Variants in NAV2 observed in about 807,000 individuals in gnomAD.
NAV2 encodes the protein neuron navigator 2.
In NAV2, 54 loss-of-function variants were observed where a neutral mutation model predicts 223.2. The observed-to-expected ratio is 0.24, with a 90% CI of 0.19 to 0.30. The LOEUF is 0.30. NAV2 is among the 10% of genes least tolerant of loss of function. NAV2 has a pLI of 1.00. For synonymous variants in NAV2, 1,279 were observed against 1,239.3 expected (o/e 1.03, Z -0.67); for missense variants, 2,806 against 3,147.5 (o/e 0.89, Z 2.60).
intron 6 of NAV2, among the ~76,000 whole-genome samples, chr11:19,899,207 A>G (rs895640268): frequency 7.9e-5 from 12 of 152,308 alleles, no homozygotes; most frequent in African/African-American, 2.9e-4. Context: ...ACTCCTTGTC[A>G]TGAGCAGAAG....
chr11:19,561,912 G>A (rs1160397097), intron 1 of NAV2, among the ~76,000 whole-genome samples: 1 of 152,208 alleles, frequency 6.6e-6, no homozygotes, highest in African/African-American at 2.4e-5. Context: ...TGGGGATGAT[G>A]AAGGGGGCTC....
intron 25 of NAV2, chr11:20,082,666 C>T (rs1767174859): frequency 6.9e-7 from 1 of 1,441,570 alleles, no homozygotes; most frequent in Non-Finnish European, 9.8e-7. Flanking sequence ...CTAACCTCAT[C>T]CGCATCCATC....
chr11:20,045,437 A>G lies in NAV2; in HGVS notation c.3669A>G (p.Ala1223=). 1 of 1,614,190 alleles carries G rather than the reference A, an allele frequency of 6.2e-7. No individual in the cohort carries two copies. The highest frequency in any genetic ancestry group is 8.5e-7 in the Non-Finnish European group (1 of 1,180,026). The change falls in exon 14 of 38, where the codon GCA becomes GCG. Residue 1223 remains alanine, a synonymous_variant. Transcript: ENST00000349880. ...ATTCCAACATTAGCAGCAAGTCCGCAGGCCTGCCAGTGCCCAAACTGAGGG... is the reference window on the plus strand; with the variant it reads ...ATTCCAACATTAGCAGCAAGTCCGCGGGCCTGCCAGTGCCCAAACTGAGGG... ...SIDSNISSKS[A]GLPVPKLREP...
intron 1 of NAV2, among the ~76,000 whole-genome samples, chr11:19,606,299 C>T (rs2046473961): frequency 6.6e-6 from 1 of 152,194 alleles, no homozygotes; most frequent in Non-Finnish European, 1.5e-5. Context: ...GATGCTTTCA[C>T]ATATGTTGCT....
chr11:19,567,510 G>T (rs2045305007), intron 1 of NAV2, among the ~76,000 whole-genome samples: 1 of 152,144 alleles, frequency 6.6e-6, no homozygotes, highest in African/African-American at 2.4e-5. Flanking sequence ...ATTTGCCCCA[G>T]GTCACACAAC....
chr11:19,976,291 C>T (rs1255545817), intron 10 of NAV2, among the ~76,000 whole-genome samples: 1 of 152,086 alleles, frequency 6.6e-6, no homozygotes, highest in East Asian at 1.9e-4. Context: ...ACTACTGCTC[C>T]ATGGCCCGTA....
chr11:19,619,286 A>G (rs1565106470), intron 1 of NAV2, among the ~76,000 whole-genome samples: 1 of 151,978 alleles, frequency 6.6e-6, no homozygotes, highest in African/African-American at 2.4e-5. Flanking sequence ...GTAATGAGAA[A>G]GCTGGGTCAA....
intron 3 of NAV2, among the ~76,000 whole-genome samples, chr11:19,867,517 A>T (rs1050246425): frequency 2.0e-5 from 3 of 152,266 alleles, no homozygotes; most frequent in African/African-American, 7.2e-5. Flanking sequence ...CTCCATGTGT[A>T]TAAGAAAGGA....
intron 6 of NAV2, among the ~76,000 whole-genome samples, chr11:19,932,236 C>CAAAAAAAAAAAAAAAAAAAAAAAAAA (rs398015484): frequency 5.1e-5 from 4 of 78,994 alleles, no homozygotes; most frequent in Non-Finnish European, 6.3e-5. Context: ...CACTCTTAAG[C>CAAAAAAAAAAAAAAAAAAAAAAAAAA]AAAAAAAAAA....
intron 17 of NAV2, among the ~76,000 whole-genome samples, chr11:20,051,727 G>A (rs772603685): frequency 6.6e-6 from 1 of 152,148 alleles, no homozygotes; most frequent in Non-Finnish European, 1.5e-5. Context: ...TGTAAGCTAG[G>A]ACAAGAGCAC....
intron 36 of NAV2, among the ~76,000 whole-genome samples, chr11:20,111,503 T>C (rs559439168): frequency 5.9e-5 from 9 of 152,360 alleles, no homozygotes; most frequent in African/African-American, 2.2e-4. Flanking sequence ...AAAAATATTT[T>C]CTGTTCTTGC....
chr11:19,730,811 C>G (rs950195368), intron 1 of NAV2, among the ~76,000 whole-genome samples: 10 of 143,982 alleles, frequency 6.9e-5, no homozygotes, highest in Non-Finnish European at 1.3e-4. Flanking sequence ...TCTTTTCAGC[C>G]TGATTGGATA....
chr11:19,945,029 CT>C lies in NAV2; in HGVS notation c.2147-1369del, dbSNP rs1429569758. 1.1e-4 allele frequency among the ~76,000 whole-genome samples: 16 copies of C among 141,622 alleles called. No homozygotes were observed. The East Asian group carries it at 3.1e-3, about 27-fold the overall frequency. 92.9% of individuals were successfully genotyped at this position (141,622 alleles called of 152,430 possible). A position where few individuals can be genotyped will look rare whatever the true frequency, so the allele number is the denominator to read the frequency against. On this transcript the variant is annotated intron_variant, in intron 8 of 37. Transcript: ENST00000349880. ...TTCCTTTCCTTTCCTTTTCTTTCTT[CT>C]TTCTTTTTCTTTTTCCTTTCCTTTT...
At chr11:19,449,966 T>C (rs1474745829) in intron 1 of NAV2, among the ~76,000 whole-genome samples, 1 of 152,142 alleles carries the variant, frequency 6.6e-6, no homozygotes, top group Non-Finnish European at 1.5e-5. Flanking sequence ...TTTATTCACT[T>C]TTCTAGGGAA....
intron 1 of NAV2, among the ~76,000 whole-genome samples, chr11:19,357,915 T>A (rs1853711125): frequency 6.6e-6 from 1 of 152,190 alleles, no homozygotes; most frequent in South Asian, 2.1e-4. Context: ...TTACTTGAAA[T>A]TTTTTATTGA....
At chr11:19,603,612 ACAGAGC>A (rs1391698273) in intron 1 of NAV2, among the ~76,000 whole-genome samples, 2 of 147,214 alleles carry the variant, frequency 1.4e-5, no homozygotes, top group Non-Finnish European at 3.0e-5. Flanking sequence ...AGCCTGGGCA[ACAGAGC>A]CAGACTCCAT....
At chr11:19,520,938 C>A (rs939832991) in intron 1 of NAV2, among the ~76,000 whole-genome samples, 2 of 152,216 alleles carry the variant, frequency 1.3e-5, no homozygotes, top group Non-Finnish European at 2.9e-5. Context: ...TACAGCTCCC[C>A]TGGCCCTCGC....
At chr11:19,578,254 G>A (rs1266988471) in intron 1 of NAV2, among the ~76,000 whole-genome samples, 3 of 152,214 alleles carry the variant, frequency 2.0e-5, no homozygotes, top group African/African-American at 4.8e-5. Flanking sequence ...TTAACGCTGC[G>A]CGTGCTGCTG....
rs139263790 is a variant in NAV2, at chr11:19,400,725, CT to C, written c.75+49699del. On this transcript the variant is annotated intron_variant, in intron 1 of 37. Coordinates refer to the NAV2 transcript ENST00000360655. ...TAGCCCATGATGTGAACAGTGACCC[CT>C]AGGGCCATGTAGGATGCTCATTATC... 4.0e-3 allele frequency among the ~76,000 whole-genome samples: 602 copies of C among 152,282 alleles called. 3 individuals carry two copies. The highest frequency in any genetic ancestry group is 0.014 in the Middle Eastern group (4 of 294).
Sources: gnomAD v4.1 joint callset for allele counts (sites outside exome capture counted in the v4.1 genomes callset) on GRCh38, gnomAD v4.1.1 for gene constraint, MANE v1.5 for transcripts, NCBI Gene and HGNC (gene_info 2026-07-23, HGNC 2026-07-21) for gene names.